Variants in GAK observed in about 807,000 individuals in gnomAD.
GAK encodes cyclin-G-associated kinase.
Under a neutral mutation model 143.9 loss-of-function variants are expected in GAK, and 79 were observed. That is an observed-to-expected ratio of 0.55 (90% CI 0.46 to 0.66). The LOEUF (loss-of-function observed/expected upper bound fraction) is 0.66, where lower values mean the gene tolerates loss of function less well. Ranked by LOEUF, GAK falls within the 30% of genes least tolerant of loss-of-function variation. The pLI, the probability that GAK is intolerant of heterozygous loss-of-function variation, is 0.00. For missense variants in GAK, 1,693 were observed against 1,779.7 expected, an observed-to-expected ratio of 0.95 and a Z score of 0.88; for synonymous variants, 881 against 765.5, an observed-to-expected ratio of 1.15 and a Z score of -2.49.
chr4:911,687 G>C lies in GAK; in HGVS notation c.368C>G (p.Thr123Arg). The C allele has an allele frequency of 6.2e-7, 1 of 1,613,328 alleles. No individual in the cohort carries two copies. The highest frequency in any genetic ancestry group is 1.3e-5 in the African/African-American group (1 of 75,040). Residue 123 changes from threonine (T) to arginine (R), a missense_variant, in exon 4 of 28, where the codon ACA (threonine) becomes AGA (arginine). Physicochemically the swap from Thr to Arg is moderately conservative, Grantham distance 71. Around this residue, in one of 2 missense-constraint regions of GAK, gnomAD observed 871 missense variants for 991.0 expected, o/e 0.88. Coordinates refer to ENST00000314167, the MANE Select transcript of GAK (RefSeq NM_005255.4). ...CAGGACGTTACCTTTACAGAGCTCT[G>C]TGAGCAAGAGGAACTCAGCCTGCCC... is the stretch of plus-strand genomic sequence containing the variant. ...DTGQAEFLLL[T>R]ELCKGQLVEF...
At chr4:850,387 G>A in intron 26 of GAK, 1 of 296,364 alleles carries the variant, frequency 3.4e-6, no homozygotes. Context: ...GACTCCGAGG[G>A]AGAAGGGGAT....
intron 1 of GAK, among the ~76,000 whole-genome samples, chr4:925,773 C>T (rs1012698076): frequency 1.3e-5 from 2 of 152,174 alleles, no homozygotes; most frequent in South Asian, 2.1e-4. Context: ...CCAGATCTGC[C>T]GGCGCCTTGC....
chr4:896,649 T>C (rs1718829144), intron 6 of GAK, 100 bp from the exon 7 acceptor site: 2 of 907,070 alleles, frequency 2.2e-6, no homozygotes, highest in Non-Finnish European at 1.8e-6. Flanking sequence ...CACAGCAGAC[T>C]GAGGGGCAGC....
chr4:856,136 T>TCACCACAGCTGCTCACCACACCTGCTCAC (rs1749078778), intron 24 of GAK, among the ~76,000 whole-genome samples: 2 of 151,564 alleles, frequency 1.3e-5, no homozygotes, highest in South Asian at 4.2e-4. Context: ...CCACACCTGC[T>TCACCACAGCTGCTCACCACACCTGCTCAC]CACCACAGCT....
Position 851,863 on chromosome 4 carries a change from G to T in GAK, c.3395C>A (p.Pro1132His), listed in dbSNP as rs748560870. ...TTTGGGGGGCGGCTTGGCCTGAGGG[G>T]GCCATGAGGCGCCCTGGGCTGGCGG... ...SRPPAQGASW[P>H]PQAKPPPKAC... Residue 1132 changes from proline (P) to histidine (H), a missense_variant, in exon 25 of 28, where the codon CCC (proline) becomes CAC (histidine). Around this residue, in one of 2 missense-constraint regions of GAK, gnomAD observed 822 missense variants for 788.7 expected, o/e 1.04. Transcript: ENST00000314167. 1 of 1,608,976 alleles carries T rather than the reference G, an allele frequency of 6.2e-7. No homozygotes were observed.
intron 15 of GAK, 61 bp downstream of exon 15, chr4:881,846 G>C: frequency 6.6e-7 from 1 of 1,507,576 alleles, no homozygotes; most frequent in East Asian, 2.5e-5. Context: ...ACCACAGCGG[G>C]GGCGGCAGTG....
chr4:880,627 T>C (rs747189496), intron 15 of GAK, among the ~76,000 whole-genome samples: 3 of 151,912 alleles, frequency 2.0e-5, no homozygotes, highest in Non-Finnish European at 4.4e-5. Flanking sequence ...CCGGTTGGAC[T>C]CTTTCTGGCC....
chr4:911,724 C>T lies in GAK; in HGVS notation c.331G>A (p.Glu111Lys), dbSNP rs960277866. ...AACTCAGCCTGCCCCGTGTCTGACTCCTCTTTTCCTATAGACGCTGCAGAA... is the reference window on the plus strand; with the variant it reads ...AACTCAGCCTGCCCCGTGTCTGACTTCTCTTTTCCTATAGACGCTGCAGAA... ...FCSAASIGKE[E>K]SDTGQAEFLL... Residue 111 changes from glutamate to lysine, a missense_variant, in exon 4 of 28, where the codon GAG (glutamate) becomes AAG (lysine). Glu to Lys is a moderately conservative substitution (Grantham distance 56, BLOSUM62 1). Coordinates refer to ENST00000314167, the MANE Select transcript of GAK (RefSeq NM_005255.4). The T allele has an allele frequency of 1.2e-6, 2 of 1,614,072 alleles. No individual in the cohort carries two copies. The highest frequency in any genetic ancestry group is 1.7e-6 in the Non-Finnish European group (2 of 1,179,968).
intron 22 of GAK, among the ~76,000 whole-genome samples, chr4:865,633 G>C (rs1184020352): frequency 6.6e-6 from 1 of 152,162 alleles, no homozygotes; most frequent in African/African-American, 2.4e-5. Context: ...CAGACAGAGG[G>C]CCCAGCAGGT....
rs547361203 is a variant in GAK at position 921,249 on chromosome 4, T to C, written c.146-7581A>G. ...TCCCCAGTAGCTGGGACTACAGACG[T>C]GCGTCACCACGCCCGGCTAATTTTT... is the stretch of plus-strand genomic sequence containing the variant. On this transcript the variant is annotated intron_variant, in intron 1 of 27. Coordinates refer to ENST00000314167, the MANE Select transcript of GAK (RefSeq NM_005255.4). Among the ~76,000 whole-genome samples the C allele has an allele frequency of 5.9e-5, 9 of 152,278 alleles. No homozygotes were observed. In the South Asian group the frequency reaches 1.9e-3, roughly 32 times the overall value.
intron 15 of GAK, among the ~76,000 whole-genome samples, chr4:878,960 G>A (rs1714545759): frequency 6.6e-6 from 1 of 152,236 alleles, no homozygotes; most frequent in African/African-American, 2.4e-5. Context: ...CAGGGAGCCA[G>A]GACAGCCGGT....
chr4:872,044 AC>A (rs1431001113), intron 18 of GAK, among the ~76,000 whole-genome samples: 1 of 152,200 alleles, frequency 6.6e-6, no homozygotes, highest in Non-Finnish European at 1.5e-5. Flanking sequence ...GGCCAGGAAC[AC>A]CCAGAGCAGA....
At chr4:881,347 T>C in intron 15 of GAK, among the ~76,000 whole-genome samples, 1 of 152,156 alleles carries the variant, frequency 6.6e-6, no homozygotes, top group Admixed American at 6.5e-5. Flanking sequence ...GGGGAGGCTT[T>C]CTGCTGGGGT....
chr4:918,906 A>C (rs1360033476), intron 1 of GAK, among the ~76,000 whole-genome samples: 2 of 120,604 alleles, frequency 1.7e-5, no homozygotes, highest in Admixed American at 8.2e-5. Context: ...ATGACCTTAG[A>C]AAGACAGAAG....
rs1292489556 is a variant in GAK, at chr4:856,460, TCAC to T, written c.3283+3143_3283+3145del. ...CACCACAGCTGCTCACTACAGCTGC[TCAC>T]CACAGCTGCTCACCACCACAGCTGC... On this transcript the variant is annotated intron_variant, in intron 24 of 27. Coordinates refer to ENST00000314167, the MANE Select transcript of GAK (RefSeq NM_005255.4). Among the ~76,000 whole-genome samples the T allele has an allele frequency of 1.7e-4, 24 of 140,426 alleles. 4 individuals are homozygous for T. Among genetic ancestry groups the T allele is most frequent in the South Asian group, 4.7e-4 (2 of 4,282 alleles). The allele number at this position is 140,426 out of a possible 152,430, so 92.1% of individuals were successfully genotyped here. A position where few individuals can be genotyped will look rare whatever the true frequency, so the allele number is the denominator to read the frequency against.
At chr4:860,067 A>G (rs1653750793) in intron 23 of GAK, among the ~76,000 whole-genome samples, 1 of 152,206 alleles carries the variant, frequency 6.6e-6, no homozygotes, top group Non-Finnish European at 1.5e-5. Flanking sequence ...AAATTTGAGA[A>G]TATCCTAAGT....
chr4:864,534 C>T (rs948750027), intron 23 of GAK, among the ~76,000 whole-genome samples: 11 of 152,206 alleles, frequency 7.2e-5, no homozygotes, highest in South Asian at 2.1e-4. Context: ...TACGCATCCG[C>T]GCTACCAGAC....
chr4:879,535 G>C (rs1025633817), intron 15 of GAK, among the ~76,000 whole-genome samples: 9 of 152,134 alleles, frequency 5.9e-5, no homozygotes, highest in African/African-American at 2.2e-4. Context: ...CGAGAACCTT[G>C]CGGCTGACAT....
chr4:903,621 G>A (rs1462321621), intron 5 of GAK, among the ~76,000 whole-genome samples: 2 of 150,806 alleles, frequency 1.3e-5, no homozygotes, highest in African/African-American at 4.9e-5. Flanking sequence ...AGGAATGCGG[G>A]GCCTGAACTG....
Sources: allele counts gnomAD v4.1 joint callset (sites outside exome capture counted in the v4.1 genomes callset), GRCh38; gene constraint gnomAD v4.1.1; regional missense constraint gnomAD v4.1.1; transcripts MANE v1.5; gene names NCBI Gene and HGNC (gene_info 2026-07-23, HGNC 2026-07-21).